The following PDS5A variants were observed in gnomAD, a reference collection of about 807,000 sequenced individuals.
PDS5A encodes the protein PDS5 cohesin associated factor A, also known as sister chromatid cohesion protein PDS5 homolog A.
PDS5A carries 42 observed loss-of-function variants against 167.1 expected under a neutral mutation model. That is an observed-to-expected ratio of 0.25 (90% CI 0.20 to 0.33). The LOEUF is 0.33. Ranked by LOEUF, PDS5A falls within the 10% of genes least tolerant of loss-of-function variation. The pLI, the probability that PDS5A is intolerant of heterozygous loss-of-function variation, is 1.00. For missense variants in PDS5A, 1,033 were observed against 1,605.9 expected, an observed-to-expected ratio of 0.64 and a Z score of 6.10; for synonymous variants, 553 against 554.6, an observed-to-expected ratio of 1.00 and a Z score of 0.04.
chr4:39,836,810 CTTTTTT>C (rs35685046), intron 32 of PDS5A, among the ~76,000 whole-genome samples: 1 of 128,838 alleles, frequency 7.8e-6, no homozygotes, highest in Non-Finnish European at 1.6e-5. Flanking sequence ...GCTTCAGTAA[CTTTTTT>C]TTTTTTTTTT....
chr4:39,865,803 A>T (rs778002301), intron 23 of PDS5A, among the ~76,000 whole-genome samples: 2 of 152,196 alleles, frequency 1.3e-5, no homozygotes, highest in East Asian at 3.9e-4. Context: ...ACTCAGCCTC[A>T]TAAAGAATGA....
chr4:39,924,118 T>C (rs1560487856), intron 5 of PDS5A, among the ~76,000 whole-genome samples: 1 of 152,156 alleles, frequency 6.6e-6, no homozygotes, highest in Admixed American at 6.5e-5. Flanking sequence ...CCAGTCAGCA[T>C]ACGAACAGGC....
intron 2 of PDS5A, among the ~76,000 whole-genome samples, chr4:39,971,546 G>C (rs917209363): frequency 2.0e-5 from 3 of 152,062 alleles, no homozygotes; most frequent in Non-Finnish European, 2.9e-5. Flanking sequence ...TGCAACCTCT[G>C]CCTCCTGGGT....
chr4:39,969,696 T>C (rs1404173825), intron 2 of PDS5A, among the ~76,000 whole-genome samples: 1 of 151,982 alleles, frequency 6.6e-6, no homozygotes, highest in East Asian at 1.9e-4. Context: ...AGCTGCAATT[T>C]GAAATTTTTT....
chr4:39,912,384 A>T (rs762376305), intron 9 of PDS5A, among the ~76,000 whole-genome samples: 8 of 152,318 alleles, frequency 5.3e-5, no homozygotes, highest in Non-Finnish European at 1.0e-4. Flanking sequence ...CCATCCTGGG[A>T]TAGGGAATTC....
intron 2 of PDS5A, among the ~76,000 whole-genome samples, chr4:39,950,335 G>A (rs907904229): frequency 3.3e-5 from 5 of 152,044 alleles, no homozygotes; most frequent in Non-Finnish European, 7.4e-5. Flanking sequence ...GCTGAGGCAG[G>A]AGAATCACTT....
chr4:39,948,167 C>T (rs1727957719), intron 2 of PDS5A, among the ~76,000 whole-genome samples: 1 of 140,630 alleles, frequency 7.1e-6, no homozygotes, highest in African/African-American at 2.7e-5. Context: ...CAGCAGGATT[C>T]CTTAAGCTCA....
At chr4:39,946,896 C>G (rs1004818478) in intron 2 of PDS5A, among the ~76,000 whole-genome samples, 1 of 151,626 alleles carries the variant, frequency 6.6e-6, no homozygotes, top group Admixed American at 6.6e-5. Flanking sequence ...CTGGGCGTTG[C>G]AGCAAGACTT....
intron 28 of PDS5A, chr4:39,847,476 T>C (rs1239328949): frequency 6.6e-6 from 1 of 152,014 alleles, no homozygotes; most frequent in Admixed American, 6.6e-5. Context: ...TGGTGACACA[T>C]GCCTGTAGTC....
Position 39,902,547 on chromosome 4 carries a change from G to A in PDS5A, c.1386-87C>T, listed in dbSNP as rs1489643213. On this transcript the variant is annotated intron_variant, in intron 12 of 32. Coordinates refer to ENST00000303538, the MANE Select transcript of PDS5A (RefSeq NM_001100399.2). ...ATTTTTTTTTTTTTTTTTGGAGACA[G>A]GGTCTTGCTCTGTCACCCAGGCTGG... The A allele has an allele frequency of 1.3e-5, 8 of 633,112 alleles. No individual in the cohort carries two copies. In the East Asian group the frequency reaches 1.7e-4, roughly 13 times the overall value. 39.2% of individuals were successfully genotyped at this position (633,112 alleles called of 1,614,324 possible). A position where few individuals can be genotyped will look rare whatever the true frequency, so the allele number is the denominator to read the frequency against.
intron 32 of PDS5A, among the ~76,000 whole-genome samples, chr4:39,831,943 G>A (rs1342307390): frequency 7.4e-6 from 1 of 135,190 alleles, no homozygotes; most frequent in Admixed American, 8.1e-5. Context: ...GGTGAAACCC[G>A]TCTCTACTAC....
intron 2 of PDS5A, among the ~76,000 whole-genome samples, chr4:39,939,501 T>C (rs2623794): frequency 0.078 from 11,747 of 151,228 alleles, 515 homozygotes; most frequent in Middle Eastern, 0.19. Flanking sequence ...TTTTTTTAAA[T>C]AGCTTTACTG....
intron 21 of PDS5A, among the ~76,000 whole-genome samples, chr4:39,871,762 G>A (rs1720054398): frequency 6.6e-6 from 1 of 151,908 alleles, no homozygotes; most frequent in Admixed American, 6.6e-5. Context: ...GGAGTGCAAT[G>A]GTGCAATCTT....
At chr4:39,945,983 G>A (rs1008459599) in intron 2 of PDS5A, among the ~76,000 whole-genome samples, 15 of 151,210 alleles carry the variant, frequency 9.9e-5, no homozygotes, top group Non-Finnish European at 4.4e-5. Context: ...GGGAGGGGGG[G>A]ATCACTTGAG....
intron 2 of PDS5A, among the ~76,000 whole-genome samples, chr4:39,951,203 C>G (rs1010030017): frequency 6.6e-6 from 1 of 152,096 alleles, no homozygotes; most frequent in Non-Finnish European, 1.5e-5. Context: ...TCTGTTCTGC[C>G]TCTTAATGGA....
chr4:39,922,793 G>T (rs1368581741), intron 5 of PDS5A, 45 bp from the exon 6 acceptor site: 1 of 1,357,750 alleles, frequency 7.4e-7, no homozygotes, highest in Non-Finnish European at 9.5e-7. Flanking sequence ...AGGAGGAAAA[G>T]AAGAGAATTC....
At chr4:39,842,938 T>TATATATA (rs1349599395) in intron 30 of PDS5A, among the ~76,000 whole-genome samples, 45 of 132,928 alleles carry the variant, frequency 3.4e-4, no homozygotes, top group Non-Finnish European at 4.4e-4. Context: ...TATATATATA[T>TATATATA]TTTAAGAGAC....
In PDS5A at chr4:39,877,109, T is replaced by C. The variant is rs763149392; in HGVS notation, c.2037A>G (p.Thr679=). 78 of 1,608,560 alleles carry C rather than the reference T, an allele frequency of 4.8e-5. 2 individuals are homozygous for C. The Middle Eastern group carries it at 2.8e-3, about 58-fold the overall frequency. ...THPTSFHSAE[T]YESLLQCLRM... ...TTAGGCACTGTAACAAGGACTCATA[T>C]GTCTCTGCAGAGTGGAACGAGGTAG... The change falls in exon 19 of 33, where the codon ACA becomes ACG. Residue 679 remains threonine (T), a synonymous_variant. Coordinates refer to ENST00000303538, the MANE Select transcript of PDS5A (RefSeq NM_001100399.2).
rs184103982 is a variant in PDS5A, at chr4:39,922,055, T to A, written c.654+567A>T. Among the ~76,000 whole-genome samples, 752 of 152,208 alleles carry A rather than the reference T, an allele frequency of 4.9e-3. 2 individuals are homozygous for A. Among genetic ancestry groups the A allele is most frequent in the African/African-American group, 0.016 (685 of 41,528 alleles). ...ATATCAACATTGGGGTAGGCCTGAG[T>A]AGAGCCCAGTGGTGGAGCCTGAGGG... On this transcript the variant is annotated intron_variant, in intron 6 of 32. Coordinates refer to ENST00000303538, the MANE Select transcript of PDS5A (RefSeq NM_001100399.2).
Sources: allele counts gnomAD v4.1 joint callset (sites outside exome capture counted in the v4.1 genomes callset), GRCh38; gene constraint gnomAD v4.1.1; transcripts MANE v1.5; gene names NCBI Gene and HGNC (gene_info 2026-07-23, HGNC 2026-07-21).